The following SCN2A variants were observed in gnomAD, a reference collection of about 807,000 sequenced individuals.
The protein encoded by SCN2A is sodium voltage-gated channel alpha subunit 2.
Under a neutral mutation model 188.7 loss-of-function variants are expected in SCN2A, and 20 were observed. That is an observed-to-expected ratio of 0.11 (90% confidence interval 0.07 to 0.15). The LOEUF (loss-of-function observed/expected upper bound fraction) is 0.15, where lower values mean the gene tolerates loss of function less well. SCN2A is among the 10% of genes least tolerant of loss of function. The pLI is 1.00. For synonymous variants in SCN2A, 804 were observed against 833.1 expected, an observed-to-expected ratio of 0.97 and a Z score of 0.60; for missense variants, 1,278 against 2,445.0, an observed-to-expected ratio of 0.52 and a Z score of 10.07.
intron 11 of SCN2A, among the ~76,000 whole-genome samples, chr2:165,321,768 A>G (rs975998390): frequency 2.6e-5 from 4 of 152,148 alleles, no homozygotes; most frequent in Admixed American, 6.5e-5. Flanking sequence ...CCCTCCCCCA[A>G]CAATGGAAAT....
chr2:165,348,047 C>T (rs1194821540), intron 16 of SCN2A, among the ~76,000 whole-genome samples: 3 of 152,014 alleles, frequency 2.0e-5, no homozygotes, highest in African/African-American at 7.2e-5. Flanking sequence ...AAAATGACTA[C>T]CATAACAAGT....
intron 26 of SCN2A, 151 bp from the exon 27 acceptor site, chr2:165,388,478 C>G: frequency 9.1e-7 from 1 of 1,097,010 alleles, no homozygotes; most frequent in Admixed American, 2.3e-5. Context: ...ATACCAGTTT[C>G]ATTTTGCTCA....
chr2:165,350,460 C>CTTTTTTTTTTTTTTTTTTTTTTTT (rs796595702), intron 16 of SCN2A, among the ~76,000 whole-genome samples: 3 of 77,932 alleles, frequency 3.8e-5, no homozygotes, highest in Admixed American at 3.2e-4. Flanking sequence ...GAACTGTTTT[C>CTTTTTTTTTTTTTTTTTTTTTTTT]TTTCTTTTTT....
chr2:165,308,806 A>C lies in SCN2A; in HGVS notation c.605+12A>C, dbSNP rs1315422393. ...GTCATTACTTTTGCGTAAGTATCTT[A>C]ATACATTTTCTATCCTGGAAGAGTA... On this transcript the variant is annotated intron_variant, in intron 5 of 26. Coordinates refer to ENST00000375437, the MANE Select transcript of SCN2A (RefSeq NM_001040142.2). 1.9e-6 allele frequency: 3 copies of C among 1,612,326 alleles called. No individual in the cohort carries two copies. The African/African-American group carries it at 4.0e-5, about 22-fold the overall frequency.
chr2:165,338,323 G>A lies in SCN2A; in HGVS notation c.2389-3973G>A, dbSNP rs146781874. Among the ~76,000 whole-genome samples, 1,338 of 150,694 alleles carry A rather than the reference G, an allele frequency of 8.9e-3. 20 individuals are homozygous for A. Among genetic ancestry groups the A allele is most frequent in the African/African-American group, 0.031 (1,266 of 40,866 alleles). On this transcript the variant is annotated intron_variant, in intron 14 of 26. Transcript: ENST00000375437. Reference sequence around the variant, plus strand: ...CGCCCAGGCTGGAGTGCAGTGGTGCGATCTCGGCTCACTGCAAGCTCCGCC... The same window carrying A: ...CGCCCAGGCTGGAGTGCAGTGGTGCAATCTCGGCTCACTGCAAGCTCCGCC...
At chr2:165,345,719 A>T (rs1370807405) in intron 16 of SCN2A, among the ~76,000 whole-genome samples, 2 of 152,234 alleles carry the variant, frequency 1.3e-5, no homozygotes, top group African/African-American at 4.8e-5. Context: ...TTTAAGGTTA[A>T]TATTGTTATG....
At chr2:165,290,119 G>C (rs1696030728) in intron 1 of SCN2A, among the ~76,000 whole-genome samples, 1 of 152,042 alleles carries the variant, frequency 6.6e-6, no homozygotes, top group Non-Finnish European at 1.5e-5. Flanking sequence ...ACATATTCAT[G>C]GGGTACATAG....
Position 165,367,381 on chromosome 2 carries a change from G to A in SCN2A, c.3675+10G>A. ...GAGCAGTGGGGCTCTGGTAGGTGATGCATGATCCACTCCTTCACCTTTCAT... is the reference window on the plus strand; with the variant it reads ...GAGCAGTGGGGCTCTGGTAGGTGATACATGATCCACTCCTTCACCTTTCAT... On this transcript the variant is annotated intron_variant, in intron 19 of 26. Coordinates refer to ENST00000375437, the MANE Select transcript of SCN2A (RefSeq NM_001040142.2). 1.9e-6 allele frequency: 3 copies of A among 1,613,928 alleles called. No homozygotes were observed. The African/African-American group carries it at 4.0e-5, about 22-fold the overall frequency.
At chr2:165,253,918 A>T (rs1027175502) in intron 1 of SCN2A, among the ~76,000 whole-genome samples, 2 of 151,948 alleles carry the variant, frequency 1.3e-5, no homozygotes, top group South Asian at 4.1e-4. Flanking sequence ...TTTCTAAGCA[A>T]TCATTCCTTT....
At chr2:165,344,074 C>T (rs930792996) in intron 15 of SCN2A, among the ~76,000 whole-genome samples, 2 of 152,132 alleles carry the variant, frequency 1.3e-5, no homozygotes, top group African/African-American at 4.8e-5. Context: ...AACTGGATCT[C>T]TGCTAATTAA....
At chr2:165,260,862 C>T (rs574949055) in intron 1 of SCN2A, among the ~76,000 whole-genome samples, 28 of 148,476 alleles carry the variant, frequency 1.9e-4, no homozygotes, top group African/African-American at 6.2e-4. Context: ...CCCAGCTACT[C>T]GGGAGTCTGA....
chr2:165,351,979 A>G (rs1280844507), intron 16 of SCN2A, among the ~76,000 whole-genome samples: 1 of 151,992 alleles, frequency 6.6e-6, no homozygotes, highest in East Asian at 1.9e-4. Context: ...TGTCACAGTA[A>G]ATGACATTTG....
rs1478798225 is a variant in SCN2A, at chr2:165,315,715, G to C, written c.1628G>C (p.Gly543Ala). The change falls in exon 11 of 27, where the codon GGA becomes GCA. Residue 543 changes from glycine (G) to alanine (A), a missense_variant. By Grantham distance (60) the Gly-to-Ala change is moderately conservative (BLOSUM62 0). This residue lies in a region of SCN2A where 315 missense variants were observed against 386.6 expected (regional missense o/e 0.81). Transcript: ENST00000375437. ...RRKGFRFSLEGSRLTYEKRFS... is the reference protein window; with the variant it reads ...RRKGFRFSLEASRLTYEKRFS... Reference sequence around the variant, plus strand: ...AAAGGTTTCCGTTTTTCCTTGGAAGGAAGTAGGCTGACATATGAAAAGAGA... The same window carrying C: ...AAAGGTTTCCGTTTTTCCTTGGAAGCAAGTAGGCTGACATATGAAAAGAGA... 6.2e-7 allele frequency: 1 copy of C among 1,613,456 alleles called. No individual in the cohort carries two copies. Among genetic ancestry groups the C allele is most frequent in the South Asian group, 1.1e-5 (1 of 90,886 alleles).
intron 15 of SCN2A, 152 bp downstream of exon 15, chr2:165,342,621 T>C: frequency 1.3e-6 from 1 of 796,006 alleles, no homozygotes; most frequent in Non-Finnish European, 2.1e-6. Context: ...AATGGTAGTT[T>C]CTTCTTCATC....
At chr2:165,346,988 T>C (rs576801119) in intron 16 of SCN2A, among the ~76,000 whole-genome samples, 2 of 152,336 alleles carry the variant, frequency 1.3e-5, no homozygotes, top group African/African-American at 4.8e-5. Context: ...TTTTACATTG[T>C]TGGTGGGAGT....
At chr2:165,368,230 T>G (rs1238190110) in intron 19 of SCN2A, among the ~76,000 whole-genome samples, 1 of 152,152 alleles carries the variant, frequency 6.6e-6, no homozygotes, top group Non-Finnish European at 1.5e-5. Context: ...GCTGTCAAGC[T>G]GTCCCTCTGA....
At chr2:165,367,433 T>C (rs547623642) in intron 19 of SCN2A, 62 bp downstream of exon 19, 157 of 1,532,720 alleles carry the variant, frequency 1.0e-4, no homozygotes, top group Non-Finnish European at 1.4e-4. Context: ...TTCCCTTCAA[T>C]CAACTCATAT....
At chr2:165,295,733 T>C (rs1389773151) in intron 1 of SCN2A, 40 bp from the exon 2 acceptor site, 18 of 1,582,734 alleles carry the variant, frequency 1.1e-5, no homozygotes, top group Non-Finnish European at 1.5e-5. Flanking sequence ...CACCTTTTAT[T>C]CTAATGGTCA....
At chr2:165,258,951 G>T (rs149739498) in intron 1 of SCN2A, among the ~76,000 whole-genome samples, 514 of 152,290 alleles carry the variant, frequency 3.4e-3, no homozygotes, top group Admixed American at 7.4e-3. Flanking sequence ...TAGGTGAGAG[G>T]AGGAAGAGGA....
Sources: gnomAD v4.1 joint callset for allele counts (sites outside exome capture counted in the v4.1 genomes callset) on GRCh38, gnomAD v4.1.1 for gene constraint, gnomAD v4.1.1 regional missense constraint, MANE v1.5 for transcripts, NCBI Gene and HGNC (gene_info 2026-07-23, HGNC 2026-07-21) for gene names.